The following VTI1A variants were observed in gnomAD, a reference collection of about 807,000 sequenced individuals.
VTI1A encodes vesicle transport through interaction with t-SNAREs homolog 1A.
Under a neutral mutation model 34.9 loss-of-function variants are expected in VTI1A, and 22 were observed. The observed-to-expected ratio is 0.63, with a 90% CI of 0.45 to 0.90. The LOEUF (loss-of-function observed/expected upper bound fraction) is 0.90, where lower values mean the gene tolerates loss of function less well. Among genes scored for constraint, VTI1A ranks in the 40% least tolerant of loss-of-function variants. VTI1A has a pLI of 0.00. For missense variants in VTI1A, 268 were observed against 275.6 expected (o/e 0.97, Z 0.20); for synonymous variants, 87 against 97.3 (o/e 0.89, Z 0.62).
At chr10:112,835,691 C>G in the VTI1A span, among the ~76,000 whole-genome samples, 4 of 151,716 alleles carry the variant, frequency 2.6e-5, no homozygotes, top group Non-Finnish European at 5.9e-5. Flanking sequence ...CACTCTTGGG[C>G]AAAAAATCAA....
At chr10:112,832,774 C>T in the VTI1A span, among the ~76,000 whole-genome samples, 2 of 152,166 alleles carry the variant, frequency 1.3e-5, no homozygotes, top group African/African-American at 4.8e-5. Flanking sequence ...GCAGTGGCCA[C>T]GGGAGCCCAT....
the VTI1A span, among the ~76,000 whole-genome samples, chr10:112,829,888 T>C: frequency 1.3e-5 from 2 of 152,204 alleles, no homozygotes; most frequent in Admixed American, 6.5e-5. Flanking sequence ...ATCTAGAATG[T>C]AGTTCTTTAT....
At chr10:112,498,829 A>G (rs948939709) in intron 3 of VTI1A, among the ~76,000 whole-genome samples, 1 of 152,178 alleles carries the variant, frequency 6.6e-6, no homozygotes, top group Non-Finnish European at 1.5e-5. Context: ...TGTTGCTTCA[A>G]GTGGTAGGTG....
chr10:112,536,690 C>T lies in VTI1A; in HGVS notation c.343-1556C>T, dbSNP rs1160236391. Among the ~76,000 whole-genome samples the T allele has an allele frequency of 3.3e-5, 5 of 151,692 alleles. No homozygotes were observed. In the South Asian group the frequency reaches 8.3e-4, roughly 25 times the overall value. On this transcript the variant is annotated intron_variant, in intron 4 of 7. Transcript: ENST00000393077. ...ATAGACTGTTGTTGCAGCTTCCTGA[C>T]CTTCACATCAGGTCCTATCTCTCTG... is the stretch of plus-strand genomic sequence containing the variant.
At chr10:112,667,644 ACT>A (rs1847691192) in intron 5 of VTI1A, among the ~76,000 whole-genome samples, 1 of 152,150 alleles carries the variant, frequency 6.6e-6, no homozygotes, top group Non-Finnish European at 1.5e-5. Context: ...CCTTGAGTTG[ACT>A]CAAGTACCTA....
intron 7 of VTI1A, among the ~76,000 whole-genome samples, chr10:112,685,656 T>C (rs1310755612): frequency 7.5e-6 from 1 of 133,474 alleles, no homozygotes; most frequent in Non-Finnish European, 1.7e-5. Context: ...CTTTAGGATG[T>C]TGTTGTTTTT....
intron 7 of VTI1A, among the ~76,000 whole-genome samples, chr10:112,806,885 C>A (rs976222759): frequency 6.6e-6 from 1 of 152,204 alleles, no homozygotes; most frequent in African/African-American, 2.4e-5. Flanking sequence ...ATGTACCTGG[C>A]CTTCTTCCTG....
chr10:112,839,320 G>T, the VTI1A span, among the ~76,000 whole-genome samples: 1 of 152,200 alleles, frequency 6.6e-6, no homozygotes, highest in Non-Finnish European at 1.5e-5. Context: ...CAGTGATGGG[G>T]GTGGGGTCCC....
chr10:112,831,652 T>C, the VTI1A span: 1 of 152,186 alleles, frequency 6.6e-6, no homozygotes, highest in African/African-American at 2.4e-5. Flanking sequence ...TTGTTCAAAT[T>C]TCAAGGATTT....
At chr10:112,534,857 GA>G (rs1204248071) in intron 4 of VTI1A, among the ~76,000 whole-genome samples, 4 of 152,138 alleles carry the variant, frequency 2.6e-5, no homozygotes, top group African/African-American at 9.7e-5. Context: ...TTTAGGTGAA[GA>G]ATCTGAATTT....
chr10:112,581,630 G>T (rs1200167346), intron 5 of VTI1A, among the ~76,000 whole-genome samples: 1 of 152,182 alleles, frequency 6.6e-6, no homozygotes, highest in Non-Finnish European at 1.5e-5. Flanking sequence ...TGATTATGAT[G>T]ATGATGATGC....
At chr10:112,582,605 T>G (rs543246840) in intron 5 of VTI1A, among the ~76,000 whole-genome samples, 2 of 152,304 alleles carry the variant, frequency 1.3e-5, no homozygotes, top group East Asian at 3.9e-4. Flanking sequence ...AGACTTGTGG[T>G]CCAAGAATGA....
chr10:112,507,866 T>C (rs2134171290), intron 3 of VTI1A, among the ~76,000 whole-genome samples: 1 of 152,276 alleles, frequency 6.6e-6, no homozygotes, highest in African/African-American at 2.4e-5. Flanking sequence ...GGTTTCTTCT[T>C]ACTTAGATCT....
At chr10:112,836,286 A>T in the VTI1A span, among the ~76,000 whole-genome samples, 2 of 152,166 alleles carry the variant, frequency 1.3e-5, no homozygotes, top group Non-Finnish European at 2.9e-5. Flanking sequence ...ATGGCCAGAG[A>T]CCCAGCTAGA....
At chr10:112,458,142 T>A (rs1462125143) in intron 1 of VTI1A, among the ~76,000 whole-genome samples, 1 of 151,732 alleles carries the variant, frequency 6.6e-6, no homozygotes, top group Non-Finnish European at 1.5e-5. Flanking sequence ...GGGAGGCTTC[T>A]TTCTTTGTTT....
intron 7 of VTI1A, chr10:112,752,395 A>G (rs1851134628): frequency 1.0e-6 from 1 of 985,428 alleles, no homozygotes; most frequent in Non-Finnish European, 1.2e-6. Flanking sequence ...TCTGAAGCAG[A>G]GCTGATATCT....
At chr10:112,690,820 AGCCCCATGATT>A (rs1848586070) in intron 7 of VTI1A, among the ~76,000 whole-genome samples, 1 of 152,216 alleles carries the variant, frequency 6.6e-6, no homozygotes, top group African/African-American at 2.4e-5. Flanking sequence ...TCCATGCAAT[AGCCCCATGATT>A]GTCTATTATA....
intron 5 of VTI1A, among the ~76,000 whole-genome samples, chr10:112,569,137 G>GAGCA (rs1852020159): frequency 6.6e-6 from 1 of 151,094 alleles, no homozygotes; most frequent in African/African-American, 2.4e-5. Flanking sequence ...CGTGGGCACA[G>GAGCA]AGCAAGATTC....
chr10:112,821,208 G>A (rs897493066), downstream of VTI1A, among the ~76,000 whole-genome samples: 11 of 152,168 alleles, frequency 7.2e-5, no homozygotes, highest in Non-Finnish European at 1.6e-4. Context: ...GCCCTTTGGC[G>A]TGAATAATAG....
Sources: gnomAD v4.1 joint callset for allele counts (sites outside exome capture counted in the v4.1 genomes callset) on GRCh38, gnomAD v4.1.1 for gene constraint, MANE v1.5 for transcripts, NCBI Gene and HGNC (gene_info 2026-07-23, HGNC 2026-07-21) for gene names.